The following NR2F1-AS1 variants were observed in gnomAD, a reference collection of about 807,000 sequenced individuals.
NR2F1-AS1 encodes the protein NR2F1 antisense RNA 1.
chr5:93,418,956 CTA>C (rs1475555212), intron 4 of NR2F1-AS1, among the ~76,000 whole-genome samples: 1 of 152,234 alleles, frequency 6.6e-6, no homozygotes, highest in South Asian at 2.1e-4. Context: ...CCTTCCCAAC[CTA>C]TGAGTTCCTC....
chr5:93,431,574 T>C (rs928914018), intron 4 of NR2F1-AS1, among the ~76,000 whole-genome samples: 1 of 152,214 alleles, frequency 6.6e-6, no homozygotes. Flanking sequence ...CAGATTTCCA[T>C]GTCATACACT....
At chr5:93,459,186 A>T (rs759800334) in intron 4 of NR2F1-AS1, among the ~76,000 whole-genome samples, 5 of 152,200 alleles carry the variant, frequency 3.3e-5, no homozygotes, top group Non-Finnish European at 5.9e-5. Flanking sequence ...AAGCTTATCT[A>T]TTTTAAATAT....
At chr5:93,452,786 T>C (rs543918090) in intron 4 of NR2F1-AS1, among the ~76,000 whole-genome samples, 5 of 152,302 alleles carry the variant, frequency 3.3e-5, no homozygotes, top group Non-Finnish European at 7.4e-5. Flanking sequence ...AAGGCTGTTC[T>C]GGAACCCTTT....
chr5:93,439,758 T>TC (rs1749521257), intron 4 of NR2F1-AS1, among the ~76,000 whole-genome samples: 1 of 152,200 alleles, frequency 6.6e-6, no homozygotes, highest in Admixed American at 6.5e-5. Context: ...ATTAAGCCCC[T>TC]CTTCATTACT....
chr5:93,581,719 TCTCTCTCTCTCTCTCC>T (rs1561519113), upstream of NR2F1-AS1, among the ~76,000 whole-genome samples: 11 of 60,656 alleles, frequency 1.8e-4, 1 homozygote, highest in African/African-American at 8.4e-4. Flanking sequence ...TCTCTCTCTC[TCTCTCTCTCTCTCTCC>T]CCCTCTCCCT....
intron 4 of NR2F1-AS1, among the ~76,000 whole-genome samples, chr5:93,467,903 C>T (rs1186199356): frequency 1.3e-5 from 2 of 152,270 alleles, no homozygotes; most frequent in South Asian, 2.1e-4. Flanking sequence ...TGAGAACATG[C>T]AGTGTTTGGT....
At chr5:93,472,538 A>G (rs1400394774) in intron 4 of NR2F1-AS1, among the ~76,000 whole-genome samples, 1 of 151,902 alleles carries the variant, frequency 6.6e-6, no homozygotes, top group Non-Finnish European at 1.5e-5. Context: ...AGATATAAAA[A>G]ATTAAATTTG....
chr5:93,528,158 AAAAC>A (rs1414355962), intron 4 of NR2F1-AS1, among the ~76,000 whole-genome samples: 2 of 152,198 alleles, frequency 1.3e-5, no homozygotes, highest in Non-Finnish European at 2.9e-5. Context: ...TTACAAGAAA[AAAAC>A]AAACAAGCCC....
At chr5:93,488,173 TA>T (rs1426091512) in intron 4 of NR2F1-AS1, among the ~76,000 whole-genome samples, 1 of 152,166 alleles carries the variant, frequency 6.6e-6, no homozygotes, top group East Asian at 1.9e-4. Context: ...ATTCAGGACA[TA>T]GGCATGGGAA....
chr5:93,509,903 A>G (rs1197551849), intron 4 of NR2F1-AS1, among the ~76,000 whole-genome samples: 2 of 152,002 alleles, frequency 1.3e-5, no homozygotes, highest in Admixed American at 1.3e-4. Context: ...GAGATCAACT[A>G]TCTTATGTAT....
At chr5:93,582,365 T>A (rs1446381438), upstream of NR2F1-AS1, among the ~76,000 whole-genome samples, 2 of 152,108 alleles carry the variant, frequency 1.3e-5, no homozygotes, top group East Asian at 3.9e-4. Flanking sequence ...TTGATTCCGA[T>A]CGAATTTGTG....
chr5:93,469,393 A>G (rs1041741566), intron 4 of NR2F1-AS1, among the ~76,000 whole-genome samples: 8 of 152,150 alleles, frequency 5.3e-5, no homozygotes, highest in African/African-American at 1.9e-4. Flanking sequence ...TTATAATCTT[A>G]TGGGACCACC....
intron 4 of NR2F1-AS1, among the ~76,000 whole-genome samples, chr5:93,506,752 G>A (rs1476807973): frequency 6.6e-6 from 1 of 152,110 alleles, no homozygotes; most frequent in Non-Finnish European, 1.5e-5. Flanking sequence ...GTCCCTCCCA[G>A]AACACATGGG....
chr5:93,421,632 T>C (rs1022614240), intron 4 of NR2F1-AS1, among the ~76,000 whole-genome samples: 14 of 152,290 alleles, frequency 9.2e-5, no homozygotes, highest in African/African-American at 3.4e-4. Flanking sequence ...GGAGGATCCA[T>C]GATGGTGATT....
chr5:93,413,356 C>T (rs1431402354), intron 4 of NR2F1-AS1, among the ~76,000 whole-genome samples: 2 of 151,900 alleles, frequency 1.3e-5, no homozygotes, highest in Non-Finnish European at 2.9e-5. Context: ...ATCAAGTTAC[C>T]CAACTCAGTT....
intron 4 of NR2F1-AS1, among the ~76,000 whole-genome samples, chr5:93,427,797 T>C (rs1416827094): frequency 6.6e-6 from 1 of 152,174 alleles, no homozygotes; most frequent in African/African-American, 2.4e-5. Flanking sequence ...TACACGTATG[T>C]TTTTAAATTA....
chr5:93,578,075 T>G (rs565536583), intron 1 of NR2F1-AS1, among the ~76,000 whole-genome samples: 51 of 152,238 alleles, frequency 3.4e-4, no homozygotes, highest in African/African-American at 1.2e-3. Flanking sequence ...GCCCATAGAA[T>G]TAGTGAAAAA....
intron 1 of NR2F1-AS1, among the ~76,000 whole-genome samples, chr5:93,578,341 C>T (rs1349538685): frequency 6.6e-6 from 1 of 152,086 alleles, no homozygotes; most frequent in African/African-American, 2.4e-5. Flanking sequence ...GCAAGGGGTA[C>T]TATAGGCTTA....
At chr5:93,501,736 T>A (rs1248509143) in intron 4 of NR2F1-AS1, among the ~76,000 whole-genome samples, 1 of 152,182 alleles carries the variant, frequency 6.6e-6, no homozygotes, top group Non-Finnish European at 1.5e-5. Context: ...AACAACAAAG[T>A]ATTTGAAATA....
Sources: allele counts gnomAD v4.1 joint callset (sites outside exome capture counted in the v4.1 genomes callset), GRCh38; gene constraint gnomAD v4.1.1; transcripts MANE v1.5; gene names NCBI Gene and HGNC (gene_info 2026-07-23, HGNC 2026-07-21).